SETD2: variants seen among roughly 807,000 people sequenced by gnomAD.
SETD2 encodes histone-lysine N-methyltransferase SETD2.
A neutral mutation model predicts 242.1 loss-of-function variants in SETD2; 31 were observed. That is an observed-to-expected ratio of 0.13 (90% confidence interval 0.10 to 0.17). The LOEUF (loss-of-function observed/expected upper bound fraction) is 0.17, where lower values mean the gene tolerates loss of function less well. Ranked by LOEUF, SETD2 falls within the 10% of genes least tolerant of loss-of-function variation. SETD2 has a pLI of 1.00. For missense variants in SETD2, 2,481 were observed against 3,046.3 expected, an observed-to-expected ratio of 0.81 and a Z score of 4.37; for synonymous variants, 1,006 against 1,066.5, an observed-to-expected ratio of 0.94 and a Z score of 1.11.
Position 47,067,259 on chromosome 3 carries a change from G to C in SETD2, c.6061-141C>G, listed in dbSNP as rs187181603. 4.4e-4 allele frequency: 292 copies of C among 660,764 alleles called. 1 individual carries two copies. The East Asian group carries it at 6.2e-3, about 14-fold the overall frequency. 40.9% of individuals were successfully genotyped at this position (660,764 alleles called of 1,614,324 possible). ...TTCTCTAAAATTTGACTTATATCTG[G>C]GCTTTAAATAAGAATATATCCTGGC... On this transcript the variant is annotated intron_variant, in intron 12 of 20. Coordinates refer to ENST00000409792, the MANE Select transcript of SETD2 (RefSeq NM_014159.7).
At chr3:47,147,892 T>C (rs2106814391) in intron 1 of SETD2, among the ~76,000 whole-genome samples, 1 of 121,084 alleles carries the variant, frequency 8.3e-6, no homozygotes, top group African/African-American at 3.3e-5. Flanking sequence ...CACGCCAGCC[T>C]GGGCGACAGA....
intron 12 of SETD2, among the ~76,000 whole-genome samples, chr3:47,072,579 G>C (rs2040871727): frequency 6.6e-6 from 1 of 152,066 alleles, no homozygotes; most frequent in Admixed American, 6.6e-5. Flanking sequence ...CCAACACTTT[G>C]GGAGGCCAAG....
At chr3:47,069,867 G>C (rs1326429471) in intron 12 of SETD2, among the ~76,000 whole-genome samples, 3 of 152,116 alleles carry the variant, frequency 2.0e-5, no homozygotes, top group East Asian at 3.9e-4. Flanking sequence ...GAAAAAGTAA[G>C]AACGCCATTT....
intron 1 of SETD2, among the ~76,000 whole-genome samples, chr3:47,136,669 G>A (rs1218583075): frequency 1.3e-5 from 2 of 152,076 alleles, no homozygotes; most frequent in African/African-American, 4.8e-5. Flanking sequence ...ATTACCTAAT[G>A]GGGGCTGGGT....
chr3:47,098,841 G>A (rs1056759672), intron 8 of SETD2, among the ~76,000 whole-genome samples: 21 of 152,068 alleles, frequency 1.4e-4, no homozygotes, highest in African/African-American at 5.1e-4. Flanking sequence ...TAGTAAACTG[G>A]TGGACTTAGG....
At chr3:47,076,837 G>A (rs148154091) in intron 12 of SETD2, among the ~76,000 whole-genome samples, 1 of 152,322 alleles carries the variant, frequency 6.6e-6, no homozygotes, top group Non-Finnish European at 1.5e-5. Context: ...TGCCTGCTAG[G>A]CAAGAAGTTT....
intron 12 of SETD2, among the ~76,000 whole-genome samples, chr3:47,078,997 T>G (rs904401170): frequency 1.3e-4 from 20 of 148,462 alleles, no homozygotes; most frequent in Non-Finnish European, 1.5e-5. Flanking sequence ...TAACTTACTT[T>G]TTTAAAGTTC....
At chr3:47,040,496 A>C (rs377364008) in intron 17 of SETD2, among the ~76,000 whole-genome samples, 7 of 152,202 alleles carry the variant, frequency 4.6e-5, no homozygotes, top group African/African-American at 1.7e-4. Flanking sequence ...CTCAATAGTA[A>C]AATAACTGAA....
At chr3:47,139,399 C>T (rs1296650054) in intron 1 of SETD2, among the ~76,000 whole-genome samples, 1 of 152,196 alleles carries the variant, frequency 6.6e-6, no homozygotes, top group African/African-American at 2.4e-5. Context: ...TACAATCTGA[C>T]AATCACATAC....
rs776616575 is a variant in SETD2, at chr3:47,120,760, C to T, written c.3876G>A (p.Gln1292=). The part of the protein sequence containing the change: ...GGHKYQQNAE[Q]YGGTRDYWQG... ...GCCAGTAATCACGTGTCCCACCATA[C>T]TGTTCTGCATTTTGCTGATACTTGT... The change falls in exon 3 of 21, where the codon CAG becomes CAA. Residue 1292 remains glutamine (Q), a synonymous_variant. Transcript: ENST00000409792. 1 of 1,614,170 alleles carries T rather than the reference C, an allele frequency of 6.2e-7. No individual in the cohort carries two copies. The highest frequency in any genetic ancestry group is 8.5e-7 in the Non-Finnish European group (1 of 1,180,038).
At chr3:47,163,451 G>A (rs915794672) in intron 1 of SETD2, 1 of 152,358 alleles carries the variant, frequency 6.6e-6, no homozygotes, top group South Asian at 2.1e-4. Context: ...CTCTTGCCGG[G>A]CCCGGCACCG....
chr3:47,101,597 A>AGTGTGTGT (rs61571386), intron 7 of SETD2, 42 bp from the exon 8 acceptor site: 355 of 734,066 alleles, frequency 4.8e-4, no homozygotes, highest in East Asian at 1.3e-3. Context: ...GTAACTTATT[A>AGTGTGTGT]GTGTGTGTGT....
chr3:47,041,878 G>A (rs139947211), intron 17 of SETD2, among the ~76,000 whole-genome samples: 14 of 152,110 alleles, frequency 9.2e-5, no homozygotes, highest in East Asian at 3.9e-4. Flanking sequence ...AGCGCTGTCC[G>A]TAAAAAAAAT....
intron 18 of SETD2, chr3:47,028,840 T>C (rs531522699): frequency 1.3e-5 from 2 of 154,446 alleles, no homozygotes; most frequent in East Asian, 1.9e-4. Flanking sequence ...CTGGTGGCAG[T>C]AGATTGGTCA....
rs549582223 is a variant in SETD2, at chr3:47,112,015, C to T, written c.4715+1861G>A. Among the ~76,000 whole-genome samples, 23 of 152,160 alleles carry T rather than the reference C, an allele frequency of 1.5e-4. No homozygotes were observed. The East Asian group carries it at 4.4e-3, about 29-fold the overall frequency. On this transcript the variant is annotated intron_variant, in intron 5 of 20. Coordinates refer to ENST00000409792, the MANE Select transcript of SETD2 (RefSeq NM_014159.7). Reference sequence around the variant, plus strand: ...AATCCAGCAAATGTTTTATTTCCTTCCATTTTTTCTTTTATATATTTTTTA... The same window carrying T: ...AATCCAGCAAATGTTTTATTTCCTTTCATTTTTTCTTTTATATATTTTTTA...
intron 7 of SETD2, among the ~76,000 whole-genome samples, chr3:47,102,064 T>C (rs546569988): frequency 4.6e-5 from 7 of 152,202 alleles, no homozygotes; most frequent in Non-Finnish European, 8.8e-5. Context: ...CTGAGTATAG[T>C]GAAAGGGACA....
intron 5 of SETD2, 59 bp downstream of exon 5, chr3:47,113,817 T>A (rs2042749979): frequency 1.3e-6 from 2 of 1,546,646 alleles, no homozygotes; most frequent in Non-Finnish European, 1.8e-6. Flanking sequence ...CCAGTCTGGG[T>A]GAAAGAGTGA....
intron 16 of SETD2, among the ~76,000 whole-genome samples, 164 bp downstream of exon 16, chr3:47,046,323 C>T (rs1177981431): frequency 6.9e-6 from 1 of 144,682 alleles, no homozygotes; most frequent in African/African-American, 2.6e-5. Context: ...GGTGACAGAG[C>T]GAGACTCTGT....
intron 17 of SETD2, among the ~76,000 whole-genome samples, chr3:47,038,636 A>C (rs530589174): frequency 1.7e-3 from 264 of 152,154 alleles, no homozygotes; most frequent in African/African-American, 4.9e-3. Flanking sequence ...CAAAAAAAAA[A>C]ACAAAAACTT....
Sources: allele counts gnomAD v4.1 joint callset (sites outside exome capture counted in the v4.1 genomes callset), GRCh38; gene constraint gnomAD v4.1.1; transcripts MANE v1.5; gene names NCBI Gene and HGNC (gene_info 2026-07-23, HGNC 2026-07-21).